The following ENOX1 variants were observed in gnomAD, a reference collection of about 807,000 sequenced individuals.
ENOX1 encodes candidate growth-related and time keeping constitutive hydroquinone (NADH) oxidase.
In ENOX1, 42 loss-of-function variants were observed where a neutral mutation model predicts 82.5. The ratio of observed to expected loss-of-function variants is 0.51; its 90% CI spans 0.40 to 0.66. ENOX1 has a LOEUF of 0.66. Ranked by LOEUF, ENOX1 falls within the 30% of genes least tolerant of loss-of-function variation. The probability of loss-of-function intolerance (pLI) is 0.00; values close to 1 mark genes in which losing one functional copy is unlikely to be tolerated. For synonymous variants in ENOX1, 271 were observed against 282.2 expected (o/e 0.96, Z 0.40); for missense variants, 608 against 811.6 (o/e 0.75, Z 3.05).
intron 1 of ENOX1, among the ~76,000 whole-genome samples, chr13:43,742,609 C>G (rs1228197417): frequency 6.6e-6 from 1 of 152,268 alleles, no homozygotes. Flanking sequence ...CACAAACATA[C>G]CCAGAAACAA....
intron 1 of ENOX1, among the ~76,000 whole-genome samples, chr13:43,750,983 G>A (rs1950279540): frequency 6.6e-6 from 1 of 152,094 alleles, no homozygotes; most frequent in African/African-American, 2.4e-5. Flanking sequence ...GGCTCCCCTG[G>A]GCCTACAGGC....
intron 3 of ENOX1, among the ~76,000 whole-genome samples, chr13:43,460,816 AAAAAAAAAAAAAAAT>A (rs1293337001): frequency 0.36 from 29,384 of 80,754 alleles, 6,723 homozygotes; most frequent in South Asian, 0.55. Flanking sequence ...AAAAAAAAAA[AAAAAAAAAAAAAAAT>A]AGGGATAGCT....
chr13:43,739,940 T>A (rs951472863), intron 1 of ENOX1, among the ~76,000 whole-genome samples: 1 of 152,196 alleles, frequency 6.6e-6, no homozygotes, highest in Non-Finnish European at 1.5e-5. Context: ...TTCCACTTAA[T>A]GAATAGTAAA....
intron 1 of ENOX1, among the ~76,000 whole-genome samples, chr13:43,679,489 C>A (rs2085679135): frequency 6.6e-6 from 1 of 152,198 alleles, no homozygotes; most frequent in African/African-American, 2.4e-5. Context: ...ACCTACTCAA[C>A]AATATTTAGG....
chr13:43,276,581 G>A (rs765728856), intron 12 of ENOX1, among the ~76,000 whole-genome samples: 5 of 152,184 alleles, frequency 3.3e-5, no homozygotes, highest in South Asian at 2.1e-4. Context: ...CTTTAGGAAT[G>A]TCAGCCTTAG....
chr13:43,611,395 T>C lies in ENOX1; in HGVS notation c.-219+56084A>G, dbSNP rs184332666. Reference sequence around the variant, plus strand: ...TGGCAAACACGACTGCATCACACATTTGGTTCAGCCCTGTCTGGATGTCAG... The same window carrying C: ...TGGCAAACACGACTGCATCACACATCTGGTTCAGCCCTGTCTGGATGTCAG... On this transcript the variant is annotated intron_variant, in intron 2 of 16. Coordinates refer to ENST00000690772, the MANE Select transcript of ENOX1 (RefSeq NM_001347969.2). Among the ~76,000 whole-genome samples the C allele has an allele frequency of 9.8e-5, 15 of 152,286 alleles. No individual in the cohort carries two copies. The East Asian group carries it at 2.5e-3, about 25-fold the overall frequency.
chr13:43,623,127 C>T (rs745365525), intron 2 of ENOX1, among the ~76,000 whole-genome samples: 5 of 152,096 alleles, frequency 3.3e-5, no homozygotes, highest in Admixed American at 6.6e-5. Context: ...AACAGCCCCA[C>T]GTCTGTTTCC....
chr13:43,474,033 C>T (rs934643479), intron 3 of ENOX1, among the ~76,000 whole-genome samples: 2 of 152,116 alleles, frequency 1.3e-5, no homozygotes, highest in East Asian at 1.9e-4. Flanking sequence ...TATATTAGGA[C>T]ATCTATATTC....
At chr13:43,304,589 T>C (rs1435485785) in intron 11 of ENOX1, among the ~76,000 whole-genome samples, 2 of 152,160 alleles carry the variant, frequency 1.3e-5, no homozygotes, top group Admixed American at 6.5e-5. Context: ...GACTCTGCTA[T>C]GAAAGCAGAG....
chr13:43,344,458 C>A, intron 9 of ENOX1, 80 bp downstream of exon 9: 1 of 1,155,112 alleles, frequency 8.7e-7, no homozygotes, highest in Non-Finnish European at 1.3e-6. Context: ...AACTACTTAC[C>A]CCCAAATGAA....
At chr13:43,715,183 T>C (rs1160831218) in intron 1 of ENOX1, among the ~76,000 whole-genome samples, 1 of 152,228 alleles carries the variant, frequency 6.6e-6, no homozygotes, top group Non-Finnish European at 1.5e-5. Context: ...TTAGTTTGGC[T>C]GGATATGAAA....
intron 2 of ENOX1, among the ~76,000 whole-genome samples, chr13:43,642,863 TTC>T (rs2083716004): frequency 6.6e-6 from 1 of 152,256 alleles, no homozygotes; most frequent in African/African-American, 2.4e-5. Flanking sequence ...TAAGCTGATA[TTC>T]TCTTTCCTCA....
chr13:43,409,424 C>A (rs187806816), intron 5 of ENOX1, among the ~76,000 whole-genome samples: 24 of 151,858 alleles, frequency 1.6e-4, no homozygotes, highest in African/African-American at 5.8e-4. Context: ...TTAAAAAAAG[C>A]AGAAAGGAGA....
rs562495743 is a variant in ENOX1 at position 43,725,763 on chromosome 13, C to T, written c.-284-58219G>A. 4.7e-5 allele frequency among the ~76,000 whole-genome samples: 7 copies of T among 149,252 alleles called. No individual in the cohort carries two copies. In the South Asian group the frequency reaches 8.5e-4, roughly 18 times the overall value. ...AGCAGATCACTTGAGCTCAGGAGTT[C>T]GAGACCAACCTGGGCAACATGGCAA... is the stretch of plus-strand genomic sequence containing the variant. On this transcript the variant is annotated intron_variant, in intron 1 of 16. Coordinates refer to ENST00000690772, the MANE Select transcript of ENOX1 (RefSeq NM_001347969.2).
intron 1 of ENOX1, among the ~76,000 whole-genome samples, chr13:43,677,301 G>A (rs562217465): frequency 1.4e-4 from 22 of 152,270 alleles, no homozygotes; most frequent in Admixed American, 9.2e-4. Flanking sequence ...CCAATGGGAG[G>A]CAGGGAGAGC....
chr13:43,592,120 T>C (rs1167206307), intron 2 of ENOX1, among the ~76,000 whole-genome samples: 1 of 152,202 alleles, frequency 6.6e-6, no homozygotes, highest in Non-Finnish European at 1.5e-5. Context: ...CTCCTAGTCA[T>C]TCACCTTAGT....
chr13:43,636,706 C>T (rs544131953), intron 2 of ENOX1, among the ~76,000 whole-genome samples: 7 of 152,162 alleles, frequency 4.6e-5, no homozygotes, highest in African/African-American at 1.7e-4. Context: ...ACCAACGGCA[C>T]GGGTGGCAGA....
intron 11 of ENOX1, among the ~76,000 whole-genome samples, chr13:43,299,666 C>T (rs1252849842): frequency 6.6e-6 from 1 of 152,104 alleles, no homozygotes; most frequent in Non-Finnish European, 1.5e-5. Flanking sequence ...GTCTCACATT[C>T]CCCCACCAAC....
chr13:43,400,790 A>G (rs1206963140), intron 5 of ENOX1, among the ~76,000 whole-genome samples: 1 of 152,186 alleles, frequency 6.6e-6, no homozygotes. Flanking sequence ...TACCCCCACC[A>G]CGAATGATGT....
Sources: gnomAD v4.1 joint callset for allele counts (sites outside exome capture counted in the v4.1 genomes callset) on GRCh38, gnomAD v4.1.1 for gene constraint, MANE v1.5 for transcripts, NCBI Gene and HGNC (gene_info 2026-07-23, HGNC 2026-07-21) for gene names.